NPEPPS: variants seen among roughly 807,000 people sequenced by gnomAD.
NPEPPS encodes puromycin-sensitive aminopeptidase.
In NPEPPS, 14 loss-of-function variants were observed where a neutral mutation model predicts 115.5. The ratio of observed to expected loss-of-function variants is 0.12; its 90% CI spans 0.08 to 0.19. The LOEUF (loss-of-function observed/expected upper bound fraction) is 0.19. NPEPPS is among the 10% of genes least tolerant of loss of function. NPEPPS has a pLI of 1.00. For missense variants in NPEPPS, 523 were observed against 1,110.8 expected (o/e 0.47, Z 7.52); for synonymous variants, 285 against 390.6 (o/e 0.73, Z 3.19).
At chr17:47,619,970 C>T in intron 22 of NPEPPS, 186 bp downstream of exon 22, 1 of 520,872 alleles carries the variant, frequency 1.9e-6, no homozygotes, top group Non-Finnish European at 3.4e-6. Flanking sequence ...TGGTAGCTCA[C>T]ATCTGTAATC....
chr17:47,538,055 G>A (rs943018390), intron 1 of NPEPPS, among the ~76,000 whole-genome samples: 33 of 150,984 alleles, frequency 2.2e-4, no homozygotes, highest in African/African-American at 7.0e-4. Context: ...CACCACGCCT[G>A]GCTAATTTTG....
intron 17 of NPEPPS, among the ~76,000 whole-genome samples, chr17:47,610,240 ACTTT>A (rs1913761655): frequency 7.0e-6 from 1 of 143,178 alleles, no homozygotes; most frequent in Non-Finnish European, 1.5e-5. Flanking sequence ...CCACAAATTT[ACTTT>A]CTATTTCATG....
intron 18 of NPEPPS, among the ~76,000 whole-genome samples, chr17:47,613,031 G>A (rs560300756): frequency 3.9e-5 from 6 of 152,002 alleles, no homozygotes; most frequent in East Asian, 3.9e-4. Flanking sequence ...CACAAACCAC[G>A]TCTAACTCTA....
At chr17:47,611,476 A>G (rs1042166397) in intron 17 of NPEPPS, among the ~76,000 whole-genome samples, 3 of 144,698 alleles carry the variant, frequency 2.1e-5, no homozygotes, top group Non-Finnish European at 4.6e-5. Context: ...AAAAAAAAAG[A>G]GACAAGGTCT....
At chr17:47,524,746 C>T (rs1382956081) in intron 1 of NPEPPS, among the ~76,000 whole-genome samples, 2 of 151,066 alleles carry the variant, frequency 1.3e-5, no homozygotes, top group Non-Finnish European at 2.9e-5. Context: ...CCTCGTGATC[C>T]GTCTGCCTCG....
intron 2 of NPEPPS, among the ~76,000 whole-genome samples, chr17:47,562,622 GTGTGTGTGTGTATA>G (rs988565520): frequency 1.1e-4 from 17 of 151,300 alleles, no homozygotes; most frequent in African/African-American, 4.1e-4. Flanking sequence ...GTGTGTGTGT[GTGTGTGTGTGTATA>G]TGTGTGTGTT....
chr17:47,592,411 G>T (rs1220182624), intron 11 of NPEPPS, 74 bp from the exon 12 acceptor site: 20 of 1,475,206 alleles, frequency 1.4e-5, no homozygotes, highest in Middle Eastern at 1.7e-4. Context: ...ATTTGTTTTT[G>T]ATTACTGATA....
rs750768379 is a variant in NPEPPS, at chr17:47,618,992, T to G, written c.2404-17T>G. On this transcript the variant is annotated splice_polypyrimidine_tract_variant and intron_variant, in intron 20 of 22. Coordinates refer to ENST00000322157, the MANE Select transcript of NPEPPS (RefSeq NM_006310.4). ...GTTTTTGATACACTAGACTTTTAGC[T>G]CTCTTTCTTTTTTTAGGAAGAGGTA... 6.2e-7 allele frequency: 1 copy of G among 1,609,572 alleles called. No individual in the cohort carries two copies. Among genetic ancestry groups the G allele is most frequent in the South Asian group, 1.1e-5 (1 of 90,656 alleles).
rs59893483 is a variant in NPEPPS, at chr17:47,610,845, C to CTTTTTTT, written c.2096-1595_2096-1589dup. On this transcript the variant is annotated intron_variant, in intron 17 of 22. Coordinates refer to ENST00000322157, the MANE Select transcript of NPEPPS (RefSeq NM_006310.4). Reference sequence around the variant, plus strand: ...GAAATTGCTGAGTCATATGATGACTCTTTTTTTTTTTTTTTTTTTTTTTTT... The same window carrying CTTTTTTT: ...GAAATTGCTGAGTCATATGATGACTCTTTTTTTTTTTTTTTTTTTTTTTTTTTTTTTT... 9.0e-5 allele frequency among the ~76,000 whole-genome samples: 9 copies of CTTTTTTT among 100,120 alleles called. 2 individuals carry two copies. Among genetic ancestry groups the CTTTTTTT allele is most frequent in the African/African-American group, 2.5e-4 (6 of 23,980 alleles). 65.7% of individuals were successfully genotyped at this position (100,120 alleles called of 152,430 possible).
chr17:47,543,329 A>G (rs1180702113), intron 1 of NPEPPS, among the ~76,000 whole-genome samples: 1 of 149,466 alleles, frequency 6.7e-6, no homozygotes, highest in Non-Finnish European at 1.5e-5. Context: ...TTTTTTTTTA[A>G]ATTTTTGAGA....
intron 1 of NPEPPS, among the ~76,000 whole-genome samples, chr17:47,540,106 C>G (rs1444868430): frequency 6.6e-6 from 1 of 152,154 alleles, no homozygotes; most frequent in Non-Finnish European, 1.5e-5. Context: ...TCATAGGAAA[C>G]TTCCATTGTA....
intron 8 of NPEPPS, chr17:47,586,791 T>C (rs1466266865): frequency 4.3e-6 from 2 of 462,794 alleles, no homozygotes; most frequent in Non-Finnish European, 8.6e-6. Flanking sequence ...AGTCTGTCTG[T>C]AAACAAGTTT....
chr17:47,595,501 T>C (rs1391297127), intron 12 of NPEPPS, among the ~76,000 whole-genome samples: 1 of 152,230 alleles, frequency 6.6e-6, no homozygotes, highest in African/African-American at 2.4e-5. Flanking sequence ...TTATTATAAT[T>C]TGTAATTTTT....
intron 12 of NPEPPS, among the ~76,000 whole-genome samples, chr17:47,594,629 A>ATGTTATGTTATGTTATGTTATGTTATGT (rs1312289283): frequency 3.9e-4 from 56 of 144,876 alleles, no homozygotes; most frequent in African/African-American, 1.4e-3. Context: ...ATGTTATGTT[A>ATGTTATGTTATGTTATGTTATGTTATGT]TGTTATGTTA....
At chr17:47,601,834 A>G in intron 15 of NPEPPS, 87 bp downstream of exon 15, 1 of 1,352,050 alleles carries the variant, frequency 7.4e-7, no homozygotes, top group Non-Finnish European at 1.0e-6. Flanking sequence ...TAGTAGTTTC[A>G]AAGAAAAAAA....
At chr17:47,562,607 AGTGTGTGTGT>A (rs4060776) in intron 2 of NPEPPS, among the ~76,000 whole-genome samples, 6 of 147,276 alleles carry the variant, frequency 4.1e-5, no homozygotes, top group East Asian at 2.0e-4. Context: ...TTTGATGCAG[AGTGTGTGTGT>A]GTGTGTGTGT....
chr17:47,534,514 A>G (rs962035833), intron 1 of NPEPPS, among the ~76,000 whole-genome samples: 4 of 152,146 alleles, frequency 2.6e-5, no homozygotes, highest in African/African-American at 9.7e-5. Flanking sequence ...AGCCCAGAGT[A>G]TTTGTGTAGG....
chr17:47,574,319 A>G lies in NPEPPS; in HGVS notation c.418+4825A>G, dbSNP rs1173130698. On this transcript the variant is annotated intron_variant, in intron 3 of 22. Transcript: ENST00000322157. ...TAAAAATAGTCCCAAAAGATATATA[A>G]ACCTAGCCAGTATAGAAAATAAAAG... 7.2e-5 allele frequency among the ~76,000 whole-genome samples: 11 copies of G among 152,074 alleles called. No individual in the cohort carries two copies. The East Asian group carries it at 2.1e-3, about 29-fold the overall frequency.
chr17:47,578,528 T>C (rs1055522451), intron 3 of NPEPPS, among the ~76,000 whole-genome samples: 1 of 152,198 alleles, frequency 6.6e-6, no homozygotes. Context: ...ATAATTATAA[T>C]TTTTTATGTT....
Sources: gnomAD v4.1 joint callset for allele counts (sites outside exome capture counted in the v4.1 genomes callset) on GRCh38, gnomAD v4.1.1 for gene constraint, MANE v1.5 for transcripts, NCBI Gene and HGNC (gene_info 2026-07-23, HGNC 2026-07-21) for gene names.